The following DLGAP1 variants were observed in gnomAD, a reference collection of about 807,000 sequenced individuals.
DLGAP1 encodes disks large-associated protein 1.
In DLGAP1, 11 loss-of-function variants were observed where a neutral mutation model predicts 90.8. That is an observed-to-expected ratio of 0.12 (90% confidence interval 0.08 to 0.20). The LOEUF is 0.20. DLGAP1 is among the 10% of genes least tolerant of loss of function. The probability of loss-of-function intolerance (pLI) is 1.00; values close to 1 mark genes in which losing one functional copy is unlikely to be tolerated. For missense variants in DLGAP1, 1,050 were observed against 1,333.8 expected (o/e 0.79, Z 3.31); for synonymous variants, 558 against 540.7 (o/e 1.03, Z -0.44).
intron 1 of DLGAP1, among the ~76,000 whole-genome samples, chr18:4,344,567 G>A (rs1031696857): frequency 2.0e-5 from 3 of 152,174 alleles, no homozygotes; most frequent in African/African-American, 7.2e-5. Flanking sequence ...TACGGTCAAG[G>A]TCACTGGTGA....
intron 1 of DLGAP1, among the ~76,000 whole-genome samples, chr18:4,373,563 C>G (rs970286543): frequency 6.6e-6 from 1 of 152,196 alleles, no homozygotes; most frequent in African/African-American, 2.4e-5. Context: ...CACATAAGCA[C>G]ATATGTACAG....
intron 2 of DLGAP1, among the ~76,000 whole-genome samples, chr18:4,086,011 G>C (rs1032496979): frequency 6.6e-6 from 1 of 152,156 alleles, no homozygotes; most frequent in Non-Finnish European, 1.5e-5. Context: ...GGCAGAAACA[G>C]AAAAAGAGGT....
chr18:4,119,474 C>A (rs570065186), intron 2 of DLGAP1, among the ~76,000 whole-genome samples: 1 of 152,124 alleles, frequency 6.6e-6, no homozygotes, highest in Non-Finnish European at 1.5e-5. Context: ...TCACTCAGAT[C>A]GATCTGCATT....
At chr18:3,887,692 A>G (rs2071352489) in intron 3 of DLGAP1, among the ~76,000 whole-genome samples, 9 of 152,192 alleles carry the variant, frequency 5.9e-5, no homozygotes, top group Admixed American at 5.9e-4. Flanking sequence ...AATAAATCCC[A>G]ATTCTACAGA....
chr18:4,221,977 A>AT (rs1340422456), intron 1 of DLGAP1, among the ~76,000 whole-genome samples: 1 of 151,938 alleles, frequency 6.6e-6, no homozygotes, highest in Non-Finnish European at 1.5e-5. Context: ...AATATTCCTG[A>AT]TTTTTTCCCA....
chr18:3,829,267 G>T (rs943582182), intron 4 of DLGAP1, among the ~76,000 whole-genome samples: 1 of 152,200 alleles, frequency 6.6e-6, no homozygotes, highest in Non-Finnish European at 1.5e-5. Context: ...ATGATATAAA[G>T]TAACATATGA....
intron 1 of DLGAP1, among the ~76,000 whole-genome samples, chr18:4,286,984 G>A (rs2079712446): frequency 6.6e-6 from 1 of 152,070 alleles, no homozygotes; most frequent in Non-Finnish European, 1.5e-5. Flanking sequence ...AGGCCATGAA[G>A]AGGTGCCTGT....
At chr18:3,616,107 G>A (rs2057852911) in intron 7 of DLGAP1, among the ~76,000 whole-genome samples, 1 of 152,112 alleles carries the variant, frequency 6.6e-6, no homozygotes, top group Non-Finnish European at 1.5e-5. Context: ...ATTTGTACGT[G>A]GGATTATTAT....
chr18:3,942,627 G>A (rs2072792359), intron 3 of DLGAP1, among the ~76,000 whole-genome samples: 1 of 152,196 alleles, frequency 6.6e-6, no homozygotes, highest in African/African-American at 2.4e-5. Flanking sequence ...AAACTGAACA[G>A]GATAAAGTGC....
In DLGAP1 at chr18:3,543,166, ATTTTTTTTTTTT is replaced by A. The variant is rs76751283; in HGVS notation, c.2058-8563_2058-8552del. ...ATACTCTTTTGTTCCCATGACTCCA[ATTTTTTTTTTTT>A]TTTTTTTTTTGAGACGGAGTCTCGC... On this transcript the variant is annotated intron_variant, in intron 9 of 12. Transcript: ENST00000315677. 6.2e-5 allele frequency among the ~76,000 whole-genome samples: 4 copies of A among 64,126 alleles called. No individual in the cohort carries two copies. The East Asian group carries it at 1.5e-3, about 25-fold the overall frequency. The allele number at this position is 64,126 out of a possible 152,430, so 42.1% of individuals were successfully genotyped here. A position where few individuals can be genotyped will look rare whatever the true frequency, so the allele number is the denominator to read the frequency against.
chr18:3,845,893 T>C (rs1391060176), intron 4 of DLGAP1, among the ~76,000 whole-genome samples: 3 of 152,256 alleles, frequency 2.0e-5, no homozygotes, highest in African/African-American at 7.2e-5. Context: ...AATTCTCTTT[T>C]AGAGAAAAAT....
At chr18:3,892,476 A>C (rs1202806818) in intron 3 of DLGAP1, among the ~76,000 whole-genome samples, 1 of 152,094 alleles carries the variant, frequency 6.6e-6, no homozygotes, top group Non-Finnish European at 1.5e-5. Context: ...TTCTCTATAC[A>C]AATTCTTATC....
intron 10 of DLGAP1, among the ~76,000 whole-genome samples, chr18:3,521,509 A>G (rs1352877751): frequency 6.6e-6 from 1 of 152,122 alleles, no homozygotes; most frequent in African/African-American, 2.4e-5. Context: ...ACCAAGCACT[A>G]AGCTGAGACT....
chr18:4,279,458 T>C (rs2079498104), intron 1 of DLGAP1, among the ~76,000 whole-genome samples: 2 of 152,208 alleles, frequency 1.3e-5, no homozygotes, highest in Non-Finnish European at 2.9e-5. Context: ...AAGCTCCTGC[T>C]TCTTTGAGAA....
At chr18:4,254,880 A>G (rs983895546) in intron 1 of DLGAP1, among the ~76,000 whole-genome samples, 1 of 152,220 alleles carries the variant, frequency 6.6e-6, no homozygotes, top group African/African-American at 2.4e-5. Context: ...CTGACATACA[A>G]AAACATGAAT....
At chr18:4,328,799 T>C (rs578093508) in intron 1 of DLGAP1, among the ~76,000 whole-genome samples, 1 of 152,112 alleles carries the variant, frequency 6.6e-6, no homozygotes, top group East Asian at 1.9e-4. Context: ...ACTAACGATG[T>C]TGAGCATCTA....
At chr18:4,217,683 C>A (rs1269678640) in intron 1 of DLGAP1, among the ~76,000 whole-genome samples, 1 of 152,030 alleles carries the variant, frequency 6.6e-6, no homozygotes, top group Non-Finnish European at 1.5e-5. Flanking sequence ...TCTGTTCAGA[C>A]CTTTTTCCCA....
intron 1 of DLGAP1, among the ~76,000 whole-genome samples, chr18:4,275,977 G>A (rs2079403114): frequency 6.6e-6 from 1 of 151,954 alleles, no homozygotes; most frequent in Non-Finnish European, 1.5e-5. Flanking sequence ...GTTTACAAGG[G>A]AAAGAGAACA....
intron 8 of DLGAP1, among the ~76,000 whole-genome samples, chr18:3,572,090 T>TTTTTTTTTTTTC (rs1555684210): frequency 9.5e-6 from 1 of 105,702 alleles, no homozygotes; most frequent in Admixed American, 1.0e-4. Flanking sequence ...TTTTTTTTTT[T>TTTTTTTTTTTTC]CTTTTGAGAC....
Sources: gnomAD v4.1 joint callset for allele counts (sites outside exome capture counted in the v4.1 genomes callset) on GRCh38, gnomAD v4.1.1 for gene constraint, MANE v1.5 for transcripts, NCBI Gene and HGNC (gene_info 2026-07-23, HGNC 2026-07-21) for gene names.